Variants in GRID2 observed in about 807,000 individuals in gnomAD.
The protein encoded by GRID2 is glutamate ionotropic receptor delta type subunit 2.
GRID2 carries 33 observed loss-of-function variants against 114.8 expected under a neutral mutation model. The observed-to-expected ratio is 0.29, with a 90% CI of 0.22 to 0.38. The LOEUF (loss-of-function observed/expected upper bound fraction) is 0.38, where lower values mean the gene tolerates loss of function less well. Ranked by LOEUF, GRID2 falls within the 10% of genes least tolerant of loss-of-function variation. The pLI, the probability that GRID2 is intolerant of heterozygous loss-of-function variation, is 1.00. For missense variants in GRID2, 1,184 were observed against 1,257.7 expected (o/e 0.94, Z 0.89); for synonymous variants, 505 against 449.9 (o/e 1.12, Z -1.55).
intron 8 of GRID2, among the ~76,000 whole-genome samples, chr4:93,344,984 A>AGTGT (rs35018148): frequency 0.055 from 7,815 of 142,412 alleles, 220 homozygotes; most frequent in Middle Eastern, 0.092. Flanking sequence ...GTTGTATTCT[A>AGTGT]GTGTGTGTGT....
chr4:93,495,106 T>C (rs909350651), intron 12 of GRID2, among the ~76,000 whole-genome samples: 1 of 151,734 alleles, frequency 6.6e-6, no homozygotes, highest in African/African-American at 2.4e-5. Context: ...TTGGACCTAC[T>C]CAAAGGGATC....
intron 2 of GRID2, among the ~76,000 whole-genome samples, chr4:92,661,736 T>C (rs1447642020): frequency 6.6e-6 from 1 of 151,064 alleles, no homozygotes; most frequent in Non-Finnish European, 1.5e-5. Context: ...AATGATGATG[T>C]ATATGTTTAA....
chr4:93,256,216 C>CA (rs1749565510), intron 8 of GRID2, among the ~76,000 whole-genome samples: 1 of 151,540 alleles, frequency 6.6e-6, no homozygotes. Context: ...CTTTCCTTTT[C>CA]TTTTTTTGAA....
intron 4 of GRID2, among the ~76,000 whole-genome samples, chr4:93,160,391 G>A (rs1406673135): frequency 6.6e-6 from 1 of 151,716 alleles, no homozygotes; most frequent in Non-Finnish European, 1.5e-5. Flanking sequence ...AAAAAAGTTT[G>A]TTTACTTCAA....
At chr4:93,363,549 C>A (rs961513213) in intron 8 of GRID2, among the ~76,000 whole-genome samples, 1 of 151,780 alleles carries the variant, frequency 6.6e-6, no homozygotes, top group Non-Finnish European at 1.5e-5. Context: ...CTAATTAATT[C>A]TTGTTTTGTT....
At chr4:92,707,632 A>G (rs1735015642) in intron 2 of GRID2, among the ~76,000 whole-genome samples, 1 of 152,234 alleles carries the variant, frequency 6.6e-6, no homozygotes, top group African/African-American at 2.4e-5. Flanking sequence ...GGCATTTGAG[A>G]GGAAGCCTGG....
chr4:92,516,428 C>G (rs1001506380), intron 1 of GRID2, among the ~76,000 whole-genome samples: 1 of 151,836 alleles, frequency 6.6e-6, no homozygotes, highest in African/African-American at 2.4e-5. Flanking sequence ...TGATGTTCAG[C>G]TTTGACCCAG....
At chr4:92,435,640 T>G (rs2110348340) in intron 1 of GRID2, among the ~76,000 whole-genome samples, 1 of 152,342 alleles carries the variant, frequency 6.6e-6, no homozygotes, top group East Asian at 1.9e-4. Context: ...CACTATTTTC[T>G]ACAAGAACTT....
chr4:92,410,813 A>G (rs1469491901), intron 1 of GRID2, among the ~76,000 whole-genome samples: 1 of 150,816 alleles, frequency 6.6e-6, no homozygotes, highest in Non-Finnish European at 1.5e-5. Context: ...ATATTTAACA[A>G]CCTAAGTAGG....
chr4:92,544,806 C>G (rs1264034259), intron 1 of GRID2, among the ~76,000 whole-genome samples: 2 of 152,080 alleles, frequency 1.3e-5, no homozygotes, highest in Non-Finnish European at 2.9e-5. Flanking sequence ...TGAAAATACA[C>G]ACGTAGTCCT....
At chr4:93,256,244 C>G (rs972362001) in intron 8 of GRID2, among the ~76,000 whole-genome samples, 1 of 151,840 alleles carries the variant, frequency 6.6e-6, no homozygotes, top group Non-Finnish European at 1.5e-5. Context: ...CATGTTTTAA[C>G]TTACTGAGGA....
At chr4:92,454,181 T>C (rs1721091858) in intron 1 of GRID2, among the ~76,000 whole-genome samples, 1 of 152,226 alleles carries the variant, frequency 6.6e-6, no homozygotes, top group Non-Finnish European at 1.5e-5. Flanking sequence ...AAATGTGTTT[T>C]TCTTTCCCAC....
chr4:92,897,197 T>C (rs1436515728), intron 2 of GRID2, among the ~76,000 whole-genome samples: 4 of 151,460 alleles, frequency 2.6e-5, no homozygotes, highest in Non-Finnish European at 5.9e-5. Flanking sequence ...AATGTCTCTG[T>C]CTGCCTGCAA....
chr4:92,599,028 CTTT>C (rs79836874), intron 2 of GRID2, among the ~76,000 whole-genome samples: 10 of 115,270 alleles, frequency 8.7e-5, no homozygotes, highest in African/African-American at 3.0e-4. Context: ...AATGCTTTTC[CTTT>C]TTTTTTTTTT....
intron 2 of GRID2, among the ~76,000 whole-genome samples, chr4:92,719,727 G>T (rs1021539271): frequency 6.6e-6 from 1 of 151,998 alleles, no homozygotes; most frequent in Non-Finnish European, 1.5e-5. Context: ...GAGAACTACA[G>T]GGGGGAGAAT....
chr4:93,224,243 G>A (rs1745222787), intron 6 of GRID2, among the ~76,000 whole-genome samples: 1 of 152,090 alleles, frequency 6.6e-6, no homozygotes, highest in African/African-American at 2.4e-5. Flanking sequence ...TTCAGAAAAT[G>A]TATTATTCAG....
At chr4:93,638,301 C>CTTTTTTTTTT (rs1184003180) in intron 14 of GRID2, among the ~76,000 whole-genome samples, 6 of 77,318 alleles carry the variant, frequency 7.8e-5, no homozygotes, top group African/African-American at 2.7e-4. Flanking sequence ...AAACTTGCAT[C>CTTTTTTTTTT]TTTTTTTTTT....
chr4:93,033,105 C>A (rs184940671), intron 2 of GRID2, among the ~76,000 whole-genome samples: 1 of 152,118 alleles, frequency 6.6e-6, no homozygotes, highest in Non-Finnish European at 1.5e-5. Context: ...TCACACACAA[C>A]GATAGACCTA....
intron 14 of GRID2, among the ~76,000 whole-genome samples, chr4:93,715,821 A>T (rs1000470493): frequency 6.6e-6 from 1 of 152,120 alleles, no homozygotes; most frequent in Non-Finnish European, 1.5e-5. Flanking sequence ...AGCTGGAGAA[A>T]CTTTTGAGCT....
Sources: gnomAD v4.1 joint callset for allele counts (sites outside exome capture counted in the v4.1 genomes callset) on GRCh38, gnomAD v4.1.1 for gene constraint, MANE v1.5 for transcripts, NCBI Gene and HGNC (gene_info 2026-07-23, HGNC 2026-07-21) for gene names.